The following CNBD1 variants were observed in gnomAD, a reference collection of about 807,000 sequenced individuals.
CNBD1 encodes the protein cyclic nucleotide-binding domain-containing protein 1.
A neutral mutation model predicts 54.4 loss-of-function variants in CNBD1; 71 were observed. The observed-to-expected ratio is 1.30, with a 90% CI of 1.08 to 1.59. CNBD1 has a LOEUF of 1.59. CNBD1 is among the 40% of genes most tolerant of loss of function. CNBD1 has a pLI of 0.00. For synonymous variants in CNBD1, 182 were observed against 170.7 expected (o/e 1.07, Z -0.51); for missense variants, 659 against 518.0 (o/e 1.27, Z -2.64).
chr8:87,007,343 C>T (rs1809124415), intron 4 of CNBD1, among the ~76,000 whole-genome samples: 1 of 151,962 alleles, frequency 6.6e-6, no homozygotes, highest in Non-Finnish European at 1.5e-5. Context: ...AAGATATTTA[C>T]AGTACTTAAA....
intron 5 of CNBD1, among the ~76,000 whole-genome samples, chr8:87,230,700 C>T (rs1814666342): frequency 6.6e-6 from 1 of 152,066 alleles, no homozygotes; most frequent in Non-Finnish European, 1.5e-5. Flanking sequence ...ATATTTAATG[C>T]TTGGTACATG....
intron 4 of CNBD1, among the ~76,000 whole-genome samples, chr8:86,984,140 G>A (rs530489909): frequency 6.6e-6 from 1 of 152,248 alleles, no homozygotes; most frequent in East Asian, 1.9e-4. Flanking sequence ...ACTAAAAGTG[G>A]CAAACATAGA....
intron 8 of CNBD1, among the ~76,000 whole-genome samples, chr8:87,340,546 C>T (rs1810045440): frequency 6.6e-6 from 1 of 152,048 alleles, no homozygotes. Context: ...ATGTTGGTCA[C>T]CTTGATGATA....
chr8:87,042,986 T>C (rs1352502680), intron 4 of CNBD1, among the ~76,000 whole-genome samples: 1 of 152,196 alleles, frequency 6.6e-6, no homozygotes, highest in Admixed American at 6.5e-5. Context: ...GCTGATGTTA[T>C]GGGCAATAAA....
intron 5 of CNBD1, among the ~76,000 whole-genome samples, chr8:87,214,802 C>T (rs528275953): frequency 1.8e-4 from 27 of 152,206 alleles, no homozygotes; most frequent in Non-Finnish European, 2.8e-4. Flanking sequence ...CTTCTAAAAC[C>T]GTCAGCTCTT....
intron 4 of CNBD1, among the ~76,000 whole-genome samples, chr8:87,029,110 G>C (rs1809723142): frequency 1.3e-5 from 2 of 152,186 alleles, no homozygotes; most frequent in Non-Finnish European, 2.9e-5. Flanking sequence ...AATAGAAGGT[G>C]ATTTGGGAGA....
intron 3 of CNBD1, among the ~76,000 whole-genome samples, chr8:86,915,668 A>G (rs1157781792): frequency 6.6e-6 from 1 of 152,224 alleles, no homozygotes; most frequent in Non-Finnish European, 1.5e-5. Context: ...ATATTCATAT[A>G]CAATTAACTT....
intron 8 of CNBD1, among the ~76,000 whole-genome samples, chr8:87,302,081 C>A (rs1809010897): frequency 6.6e-6 from 1 of 152,152 alleles, no homozygotes; most frequent in Admixed American, 6.6e-5. Flanking sequence ...TGGTACCATT[C>A]CTTCTGAAAC....
chr8:87,050,100 A>T (rs889398427), intron 4 of CNBD1, among the ~76,000 whole-genome samples: 4 of 152,186 alleles, frequency 2.6e-5, no homozygotes, highest in African/African-American at 9.7e-5. Flanking sequence ...TTCCCAGGTT[A>T]AGAGAGTGAG....
chr8:87,019,123 T>C (rs1263705994), intron 4 of CNBD1, among the ~76,000 whole-genome samples: 1 of 152,140 alleles, frequency 6.6e-6, no homozygotes, highest in Non-Finnish European at 1.5e-5. Context: ...TTTGTATGGC[T>C]AATTGCTGTA....
chr8:87,370,526 T>G (rs1810759149), intron 10 of CNBD1, among the ~76,000 whole-genome samples: 1 of 152,220 alleles, frequency 6.6e-6, no homozygotes, highest in Non-Finnish European at 1.5e-5. Context: ...AAATGTTTTC[T>G]TTTGAGAAGT....
chr8:87,042,807 G>A (rs1220849817), intron 4 of CNBD1, among the ~76,000 whole-genome samples: 1 of 151,892 alleles, frequency 6.6e-6, no homozygotes, highest in Non-Finnish European at 1.5e-5. Context: ...ATGGTAGATT[G>A]TATTATAAAT....
At chr8:86,932,314 G>A (rs1375468549) in intron 3 of CNBD1, among the ~76,000 whole-genome samples, 1 of 152,084 alleles carries the variant, frequency 6.6e-6, no homozygotes, top group Non-Finnish European at 1.5e-5. Flanking sequence ...ATCCATGTTG[G>A]GCCAAATTCC....
intron 4 of CNBD1, among the ~76,000 whole-genome samples, chr8:87,117,357 C>G (rs966845241): frequency 6.7e-6 from 1 of 149,042 alleles, no homozygotes; most frequent in Non-Finnish European, 1.5e-5. Context: ...CGAGACCGTG[C>G]CACTGCACTC....
At chr8:87,129,069 CAAAAAA>C (rs570657716) in intron 4 of CNBD1, among the ~76,000 whole-genome samples, 3 of 26,182 alleles carry the variant, frequency 1.1e-4, no homozygotes, top group African/African-American at 4.7e-4. Context: ...GACTCTGCCT[CAAAAAA>C]AAAAAAAAAA....
intron 4 of CNBD1, among the ~76,000 whole-genome samples, chr8:87,047,127 A>G (rs1810211723): frequency 6.6e-6 from 1 of 152,046 alleles, no homozygotes; most frequent in Non-Finnish European, 1.5e-5. Flanking sequence ...TTGTAAGTGT[A>G]ATGTTGCAGT....
intron 6 of CNBD1, among the ~76,000 whole-genome samples, chr8:87,274,287 G>A (rs577825928): frequency 4.2e-4 from 63 of 150,186 alleles, no homozygotes; most frequent in African/African-American, 1.5e-3. Flanking sequence ...TATATACCCA[G>A]TAATGGGATG....
chr8:86,907,280 C>G (rs1329963586), intron 3 of CNBD1, among the ~76,000 whole-genome samples: 1 of 152,200 alleles, frequency 6.6e-6, no homozygotes, highest in Non-Finnish European at 1.5e-5. Flanking sequence ...ATTTGCCAAT[C>G]TTGAACCACA....
intron 8 of CNBD1, among the ~76,000 whole-genome samples, chr8:87,347,438 T>C (rs1810196386): frequency 6.6e-6 from 1 of 152,174 alleles, no homozygotes; most frequent in African/African-American, 2.4e-5. Context: ...GCTTGCATCC[T>C]AATGGCTAGA....
Sources: gnomAD v4.1 joint callset for allele counts (sites outside exome capture counted in the v4.1 genomes callset) on GRCh38, gnomAD v4.1.1 for gene constraint, MANE v1.5 for transcripts, NCBI Gene and HGNC (gene_info 2026-07-23, HGNC 2026-07-21) for gene names.